PCYT2: variants seen among roughly 807,000 people sequenced by gnomAD.
The protein encoded by PCYT2 is ethanolamine-phosphate cytidylyltransferase.
Under a neutral mutation model 50.0 loss-of-function variants are expected in PCYT2, and 33 were observed. The observed-to-expected ratio is 0.66, with a 90% CI of 0.50 to 0.88. The LOEUF is 0.88. Ranked by LOEUF, PCYT2 falls within the 40% of genes least tolerant of loss-of-function variation. PCYT2 has a pLI of 0.00. For synonymous variants in PCYT2, 240 were observed against 203.7 expected (o/e 1.18, Z -1.52); for missense variants, 430 against 519.7 (o/e 0.83, Z 1.68).
At position 81,911,293 on chromosome 17, in the gene PCYT2, G is replaced by A. The variant is rs1238438645; in HGVS notation, c.63C>T (p.Arg21=). The A allele has an allele frequency of 4.4e-6, 5 of 1,136,766 alleles. No homozygotes were observed. Among genetic ancestry groups the A allele is most frequent in the Non-Finnish European group, 5.5e-6 (5 of 914,820 alleles). The allele number at this position is 1,136,766 out of a possible 1,614,324, so 70.4% of individuals were successfully genotyped here. A position where few individuals can be genotyped will look rare whatever the true frequency, so the allele number is the denominator to read the frequency against. The change falls in exon 1 of 13, where the codon CGC becomes CGT. Residue 21 remains arginine, a synonymous_variant. Transcript: ENST00000538936. ...GAEQPGPGGR[R]AVRVWCDGCY... ...AGCCATCGCACCACACCCTCACGGC[G>A]CGCCTGCCCCCCGGGCCCGGCTGCT... is the stretch of plus-strand genomic sequence containing the variant.
At position 81,906,799 on chromosome 17, in the gene PCYT2, C is replaced by G. The variant is rs540973843; in HGVS notation, c.637G>C (p.Glu213Gln). 1 of 1,613,326 alleles carries G rather than the reference C, an allele frequency of 6.2e-7. No individual in the cohort carries two copies. The highest frequency in any genetic ancestry group is 1.3e-5 in the African/African-American group (1 of 74,938). The part of the protein sequence containing the change: ...FASGKEPQPG[E>Q]TVIYVAGAFD... ...GCACCAGCCACATAGATGACTGTCT[C>G]CCCTGGCTGGGGCTCCTTCCCAGAA... The change falls in exon 7 of 13, where the codon GAG becomes CAG. Residue 213 changes from glutamate to glutamine, a missense_variant. Glu to Gln is a conservative substitution (Grantham distance 29, BLOSUM62 2). Around this residue, in one of 4 missense-constraint regions of PCYT2, gnomAD observed 248 missense variants for 300.2 expected, o/e 0.83. Transcript: ENST00000538936.
In PCYT2 at chr17:81,911,292, C is replaced by T. The variant is rs1180865959; in HGVS notation, c.64G>A (p.Ala22Thr). The change falls in exon 1 of 13, where the codon GCC (alanine) becomes ACC (threonine). Residue 22 changes from alanine to threonine, a missense_variant. Physicochemically the swap from Ala to Thr is moderately conservative, Grantham distance 58. Around this residue, in one of 4 missense-constraint regions of PCYT2, gnomAD observed 63 missense variants for 37.5 expected, o/e 1.68. Transcript: ENST00000538936. Reference protein sequence around the residue: ...AEQPGPGGRRAVRVWCDGCYD... With the variant: ...AEQPGPGGRRTVRVWCDGCYD... ...CAGCCATCGCACCACACCCTCACGGCGCGCCTGCCCCCCGGGCCCGGCTGC... is the reference window on the plus strand; with the variant it reads ...CAGCCATCGCACCACACCCTCACGGTGCGCCTGCCCCCCGGGCCCGGCTGC... The T allele has an allele frequency of 2.6e-6, 3 of 1,138,366 alleles. No individual in the cohort carries two copies. Among genetic ancestry groups the T allele is most frequent in the East Asian group, 7.6e-5 (1 of 13,156 alleles). The allele number at this position is 1,138,366 out of a possible 1,614,324, so 70.5% of individuals were successfully genotyped here.
At chr17:81,906,362 TG>T (rs1318582436) in intron 8 of PCYT2, 101 bp downstream of exon 8, 3 of 1,306,204 alleles carry the variant, frequency 2.3e-6, no homozygotes, top group East Asian at 2.3e-5. Context: ...TGACTTCACC[TG>T]GGGCCCCTTC....
At chr17:81,909,919 G>A (rs146369839) in intron 1 of PCYT2, among the ~76,000 whole-genome samples, 17 of 152,260 alleles carry the variant, frequency 1.1e-4, no homozygotes, top group Non-Finnish European at 2.2e-4. Context: ...GCAGGGCCAC[G>A]TGTCCTATCC....
chr17:81,907,501 G>A (rs976943653), intron 6 of PCYT2, 53 bp downstream of exon 6: 71 of 1,551,878 alleles, frequency 4.6e-5, no homozygotes, highest in African/African-American at 2.3e-4. Flanking sequence ...ACAGGTGGCC[G>A]GGGGAGCCCC....
chr17:81,907,878 G>T, intron 4 of PCYT2, 21 bp from the exon 5 acceptor site: 1 of 1,587,030 alleles, frequency 6.3e-7, no homozygotes, highest in Non-Finnish European at 8.6e-7. Flanking sequence ...CAGTGGGAGT[G>T]GGGTCTCATC....
rs905632148 is a variant in PCYT2 at position 81,904,793 on chromosome 17, A to G, written c.*40T>C. The G allele has an allele frequency of 1.5e-6, 2 of 1,379,120 alleles. No individual in the cohort carries two copies. The highest frequency in any genetic ancestry group is 2.9e-5 in the African/African-American group (2 of 70,116). The allele number at this position is 1,379,120 out of a possible 1,614,324, so 85.4% of individuals were successfully genotyped here. ...CTATGTCCAAACGCAGAAGGCGCAG[A>G]AGCAGAGCAGGGGGAGGGCCGGCCA... On this transcript the variant is annotated 3_prime_UTR_variant, in exon 13 of 13. Coordinates refer to ENST00000538936, the MANE Select transcript of PCYT2 (RefSeq NM_002861.5).
At position 81,906,102 on chromosome 17, in the gene PCYT2, G is replaced by C. The variant is rs1031108867; in HGVS notation, c.835C>G (p.Arg279Gly). 6.2e-7 allele frequency: 1 copy of C among 1,609,962 alleles called. No individual in the cohort carries two copies. Among genetic ancestry groups the C allele is most frequent in the African/African-American group, 1.3e-5 (1 of 74,946 alleles). The change falls in exon 9 of 13, where the codon CGG becomes GGG. Residue 279 changes from arginine (R) to glycine (G), a missense_variant and splice_region_variant. By Grantham distance (125) the Arg-to-Gly change is moderately radical. This residue lies in a region of PCYT2 where 248 missense variants were observed against 300.2 expected (regional missense o/e 0.83). Coordinates refer to ENST00000538936, the MANE Select transcript of PCYT2 (RefSeq NM_002861.5). ...GCTGGCTCCTGGCCCCCACTCACCC[G>C]GCAGGCCAGCACGCTCAGAGTCCGT... is the stretch of plus-strand genomic sequence containing the variant. ...HERTLSVLAC[R>G]YVSEVVIGAP...
rs533970766 is a variant in PCYT2, at chr17:81,903,746, G to C, written c.*1087C>G. On this transcript the variant is annotated 3_prime_UTR_variant, in exon 13 of 13. Transcript: ENST00000538936. ...CTCCAGCTCCTGTGCTGGGTCGTGA[G>C]GTCGACCTCACAACAGCAGAGGACA... The C allele has an allele frequency of 7.9e-4, 120 of 152,396 alleles. No individual in the cohort carries two copies. The highest frequency in any genetic ancestry group is 2.8e-3 in the African/African-American group (118 of 41,580). 9.4% of individuals were successfully genotyped at this position (152,396 alleles called of 1,614,324 possible).
At position 81,906,000 on chromosome 17, in the gene PCYT2, T is replaced by C. The variant is rs1256459021; in HGVS notation, c.837+100A>G. 1.5e-5 allele frequency: 16 copies of C among 1,078,798 alleles called. No homozygotes were observed. In the East Asian group the frequency reaches 4.1e-4, roughly 28 times the overall value. 66.8% of individuals were successfully genotyped at this position (1,078,798 alleles called of 1,614,324 possible). On this transcript the variant is annotated intron_variant, in intron 9 of 12. Transcript: ENST00000538936. ...GGGGTGCTGGGTGCAGCTCTGCCAG[T>C]GACCCAAGCCCCCCTGCCCTGGCTC...
chr17:81,902,269 G>A lies in PCYT2; in HGVS notation c.*2564C>T. 1 of 1,250,456 alleles carries A rather than the reference G, an allele frequency of 8.0e-7. No individual in the cohort carries two copies. Among genetic ancestry groups the A allele is most frequent in the Non-Finnish European group, 1.0e-6 (1 of 999,680 alleles). The allele number at this position is 1,250,456 out of a possible 1,614,324, so 77.5% of individuals were successfully genotyped here. ...GGACGCCGCCGCCCACCAGTCAGCC[G>A]GCGTCCCCATGGCCCGGTCCGCGAC... On this transcript the variant is annotated 3_prime_UTR_variant, in exon 13 of 13. Coordinates refer to ENST00000538936, the MANE Select transcript of PCYT2 (RefSeq NM_002861.5).
At chr17:81,907,903 A>C (rs772317403) in intron 4 of PCYT2, 46 bp from the exon 5 acceptor site, 1 of 1,494,300 alleles carries the variant, frequency 6.7e-7, no homozygotes, top group Admixed American at 1.8e-5. Flanking sequence ...GACACTCGCA[A>C]GGCTCTGCCT....
intron 4 of PCYT2, among the ~76,000 whole-genome samples, chr17:81,908,348 G>A (rs763615067): frequency 5.9e-5 from 9 of 152,330 alleles, no homozygotes; most frequent in Middle Eastern, 6.8e-3. Flanking sequence ...CTGTGCCTTT[G>A]GAGCCCTGGG....
In PCYT2 at chr17:81,902,167, C is replaced by A. The variant is rs1326659151; in HGVS notation, c.*2666G>T. ...CGCTGCACCCCAGCCCGCCCGCCGC[C>A]CCTCCCGGCCCTCCGCAGCCTCGGC... On this transcript the variant is annotated 3_prime_UTR_variant, in exon 13 of 13. Coordinates refer to ENST00000538936, the MANE Select transcript of PCYT2 (RefSeq NM_002861.5). 9.5e-7 allele frequency: 1 copy of A among 1,052,538 alleles called. No individual in the cohort carries two copies. Among genetic ancestry groups the A allele is most frequent in the Admixed American group, 4.6e-5 (1 of 21,812 alleles). 65.2% of individuals were successfully genotyped at this position (1,052,538 alleles called of 1,614,324 possible). A position where few individuals can be genotyped will look rare whatever the true frequency, so the allele number is the denominator to read the frequency against.
rs577484375 is a variant in PCYT2 at position 81,901,873 on chromosome 17, G to A, written c.*2960C>T. 6.2e-6 allele frequency: 1 copy of A among 160,588 alleles called. No individual in the cohort carries two copies. The highest frequency in any genetic ancestry group is 2.0e-4 in the South Asian group (1 of 4,922). The allele number at this position is 160,588 out of a possible 1,614,324, so 9.9% of individuals were successfully genotyped here. A position where few individuals can be genotyped will look rare whatever the true frequency, so the allele number is the denominator to read the frequency against. On this transcript the variant is annotated 3_prime_UTR_variant, in exon 13 of 13. Coordinates refer to ENST00000538936, the MANE Select transcript of PCYT2 (RefSeq NM_002861.5). ...CTTAGGGTGGTAGAAACCGCCCCCG[G>A]GGCACTGTGCAGTGTGGCTGGCTCT... is the stretch of plus-strand genomic sequence containing the variant.
At chr17:81,909,271 G>C in intron 2 of PCYT2, 1 of 1,430,616 alleles carries the variant, frequency 7.0e-7, no homozygotes, top group Non-Finnish European at 9.1e-7. Context: ...GCCCCTGAAG[G>C]CTTGGGAGCC....
chr17:81,909,590 C>T lies in PCYT2; in HGVS notation c.102G>A (p.Val34=), dbSNP rs1224252689. ...GCAGCTGGTTGGAGTGGCCGTAATG[C>T]ACCATGTCATAGCTGTGGAGACAGA... ...RVWCDGCYDM[V]HYGHSNQLRQ... is the part of the protein sequence containing the mutation. Residue 34 remains valine, a synonymous_variant, in exon 2 of 13, where the codon GTG becomes GTA. Coordinates refer to ENST00000538936, the MANE Select transcript of PCYT2 (RefSeq NM_002861.5). 1.2e-6 allele frequency: 2 copies of T among 1,613,366 alleles called. No individual in the cohort carries two copies. The highest frequency in any genetic ancestry group is 2.2e-5 in the East Asian group (1 of 44,884).
Position 81,902,756 on chromosome 17 carries a change from C to G in PCYT2, c.*2077G>C. On this transcript the variant is annotated 3_prime_UTR_variant, in exon 13 of 13. Coordinates refer to ENST00000538936, the MANE Select transcript of PCYT2 (RefSeq NM_002861.5). The stretch of plus-strand genomic sequence containing the variant: ...GACTGCCTCGCCGCCTGAGCCCGGA[C>G]CTCTCCTGGCACCGCTGGGGGCCCC... 1 of 1,602,454 alleles carries G rather than the reference C, an allele frequency of 6.2e-7. No homozygotes were observed. Among genetic ancestry groups the G allele is most frequent in the Non-Finnish European group, 8.5e-7 (1 of 1,176,260 alleles).
chr17:81,909,349 G>A (rs2040451817), intron 2 of PCYT2, 165 bp downstream of exon 2: 2 of 1,431,078 alleles, frequency 1.4e-6, no homozygotes, highest in Non-Finnish European at 1.8e-6. Context: ...AGATGGGAAA[G>A]GCATTAGGCC....
Sources: gnomAD v4.1 joint callset for allele counts (sites outside exome capture counted in the v4.1 genomes callset) on GRCh38, gnomAD v4.1.1 for gene constraint, gnomAD v4.1.1 regional missense constraint, MANE v1.5 for transcripts, NCBI Gene and HGNC (gene_info 2026-07-23, HGNC 2026-07-21) for gene names.